The following ZNF224 variants were observed in gnomAD, a reference collection of about 807,000 sequenced individuals.
ZNF224 encodes zinc finger protein 224, also known as bone marrow zinc finger 2.
In ZNF224, 8 loss-of-function variants were observed where a neutral mutation model predicts 10.5. The observed-to-expected ratio is 0.76, with a 90% CI of 0.45 to 1.37. ZNF224 has a LOEUF of 1.37. Among genes scored for constraint, ZNF224 ranks in the 40% most tolerant of loss-of-function variants. ZNF224 has a pLI of 0.00. For synonymous variants in ZNF224, 282 were observed against 287.8 expected, an observed-to-expected ratio of 0.98 and a Z score of 0.20; for missense variants, 754 against 854.0, an observed-to-expected ratio of 0.88 and a Z score of 1.46.
In ZNF224 at chr19:44,108,138, G is replaced by C; in HGVS notation, c.1978G>C (p.Gly660Arg). The C allele has an allele frequency of 6.2e-7, 1 of 1,614,214 alleles. No homozygotes were observed. The highest frequency in any genetic ancestry group is 8.5e-7 in the Non-Finnish European group (1 of 1,180,046). Reference protein sequence around the residue: ...KPYKCEDCGKGYNRRLNLDMH... With the variant: ...KPYKCEDCGKRYNRRLNLDMH... ...ATACAAATGTGAGGACTGTGGGAAGGGCTACAACAGGCGCTTGAATCTTGA... is the reference window on the plus strand; with the variant it reads ...ATACAAATGTGAGGACTGTGGGAAGCGCTACAACAGGCGCTTGAATCTTGA... The change falls in exon 6 of 6, where the codon GGC becomes CGC. Residue 660 changes from glycine to arginine, a missense_variant. Physicochemically the swap from Gly to Arg is moderately radical, Grantham distance 125 (BLOSUM62 -2). Coordinates refer to ENST00000693561, the MANE Select transcript of ZNF224 (RefSeq NM_001321645.3).
chr19:44,097,807 C>G lies in ZNF224; in HGVS notation c.-67C>G. ...TCTGCCTTTCCTGGCACTTTGCAGGCACAATTCTGCTTTCCCAGGAACTGC... is the reference window on the plus strand; with the variant it reads ...TCTGCCTTTCCTGGCACTTTGCAGGGACAATTCTGCTTTCCCAGGAACTGC... On this transcript the variant is annotated splice_region_variant and 5_prime_UTR_variant, in exon 3 of 6. Coordinates refer to ENST00000693561, the MANE Select transcript of ZNF224 (RefSeq NM_001321645.3). The G allele has an allele frequency of 6.3e-7, 1 of 1,585,222 alleles. No individual in the cohort carries two copies. The highest frequency in any genetic ancestry group is 2.3e-5 in the East Asian group (1 of 44,380).
chr19:44,106,152 C>T (rs7250171), intron 5 of ZNF224: 435,332 of 516,682 alleles, frequency 0.84, 184,672 homozygotes, highest in Non-Finnish European at 0.88. Flanking sequence ...AGCGTTTCTT[C>T]TCACCACACC....
chr19:44,100,530 T>G (rs1967525616), intron 3 of ZNF224, among the ~76,000 whole-genome samples: 2 of 152,144 alleles, frequency 1.3e-5, no homozygotes, highest in Non-Finnish European at 2.9e-5. Context: ...GATGCCACAT[T>G]TAGAGTCCTA....
chr19:44,100,332 A>C (rs1006497860), intron 3 of ZNF224, among the ~76,000 whole-genome samples: 7 of 152,214 alleles, frequency 4.6e-5, no homozygotes, highest in African/African-American at 1.7e-4. Context: ...GACTCACTGC[A>C]TAACTACTCA....
At chr19:44,094,647 T>G (rs1001055022) in intron 1 of ZNF224, 117 bp downstream of exon 1, 1 of 152,452 alleles carries the variant, frequency 6.6e-6, no homozygotes, top group African/African-American at 2.4e-5. Flanking sequence ...TCACCTGGTT[T>G]CAGGGTTTCC....
Position 44,106,571 on chromosome 19 carries a change from A to G in ZNF224, c.411A>G (p.Gly137=). The part of the protein sequence containing the change: ...EGDFPCQTEA[G]LSVIHTRQKS... ...ATTTCCCCTGCCAGACTGAGGCAGG[A>G]CTATCTGTAATTCACACAAGACAGA... Residue 137 remains glycine, a synonymous_variant, in exon 6 of 6, where the codon GGA becomes GGG. Transcript: ENST00000693561. 6.2e-7 allele frequency: 1 copy of G among 1,613,566 alleles called. No homozygotes were observed.
intron 4 of ZNF224, 73 bp downstream of exon 4, chr19:44,101,000 C>A (rs1967538963): frequency 1.1e-5 from 18 of 1,608,440 alleles, no homozygotes; most frequent in Middle Eastern, 1.7e-4. Context: ...TACAAAGTTT[C>A]AAGTCTTAAT....
At position 44,109,391 on chromosome 19, in the gene ZNF224, A is replaced by C. The variant is rs1967781718; in HGVS notation, c.*1107A>C. 6.6e-6 allele frequency: 1 copy of C among 152,094 alleles called. No individual in the cohort carries two copies. The highest frequency in any genetic ancestry group is 1.9e-4 in the East Asian group (1 of 5,202). The allele number at this position is 152,094 out of a possible 1,614,324, so 9.4% of individuals were successfully genotyped here. A position where few individuals can be genotyped will look rare whatever the true frequency, so the allele number is the denominator to read the frequency against. ...ACAGCTTTTGTCAACCTTCTTATCCAATATTCTTCCACCAACGCTATGAAA... is the reference window on the plus strand; with the variant it reads ...ACAGCTTTTGTCAACCTTCTTATCCCATATTCTTCCACCAACGCTATGAAA... On this transcript the variant is annotated 3_prime_UTR_variant, in exon 6 of 6. Coordinates refer to ENST00000693561, the MANE Select transcript of ZNF224 (RefSeq NM_001321645.3).
chr19:44,097,508 CTTTT>C (rs1292908423), intron 2 of ZNF224, among the ~76,000 whole-genome samples: 2 of 152,264 alleles, frequency 1.3e-5, no homozygotes, highest in South Asian at 2.1e-4. Flanking sequence ...AATATGTGGT[CTTTT>C]TTAACTGGCT....
At chr19:44,097,473 A>C (rs1967461741) in intron 2 of ZNF224, among the ~76,000 whole-genome samples, 1 of 152,202 alleles carries the variant, frequency 6.6e-6, no homozygotes. Context: ...TCCTACCCAG[A>C]CATTTTATAG....
rs1568532932 is a variant in ZNF224 at position 44,107,728 on chromosome 19, G to C, written c.1568G>C (p.Ser523Thr). 14 of 1,613,574 alleles carry C rather than the reference G, an allele frequency of 8.7e-6. No individual in the cohort carries two copies. The highest frequency in any genetic ancestry group is 1.2e-5 in the Non-Finnish European group (14 of 1,179,942). ...KCEKCGKGYNSKFNLDMHQKV... is the reference protein window; with the variant it reads ...KCEKCGKGYNTKFNLDMHQKV... ...GAGAAGTGTGGAAAGGGCTACAATA[G>C]TAAGTTTAATCTTGATATGCACCAG... Residue 523 changes from serine to threonine, a missense_variant, in exon 6 of 6, where the codon AGT becomes ACT. Physicochemically the swap from Ser to Thr is moderately conservative, Grantham distance 58. Transcript: ENST00000693561.
Position 44,108,346 on chromosome 19 carries a change from TCA to T in ZNF224, c.*65_*66del, listed in dbSNP as rs2084751436. ...CATGAATGCAGTCTCATCTGAAAGTTCACAAAGGAGAGACACATTAAAATATG... is the reference window on the plus strand; with the variant it reads ...CATGAATGCAGTCTCATCTGAAAGTTCAAAGGAGAGACACATTAAAATATG... On this transcript the variant is annotated 3_prime_UTR_variant, in exon 6 of 6. Transcript: ENST00000693561. 1 of 1,500,610 alleles carries T rather than the reference TCA, an allele frequency of 6.7e-7. No individual in the cohort carries two copies. The highest frequency in any genetic ancestry group is 8.9e-7 in the Non-Finnish European group (1 of 1,118,258). 93.0% of individuals were successfully genotyped at this position (1,500,610 alleles called of 1,614,324 possible). A position where few individuals can be genotyped will look rare whatever the true frequency, so the allele number is the denominator to read the frequency against.
At chr19:44,102,787 C>A (rs1047660290) in intron 5 of ZNF224, among the ~76,000 whole-genome samples, 3 of 152,170 alleles carry the variant, frequency 2.0e-5, no homozygotes, top group African/African-American at 7.2e-5. Context: ...ATTCTGATGT[C>A]TACTAGTGAG....
At position 44,097,241 on chromosome 19, in the gene ZNF224, C is replaced by T. The variant is rs921634556; in HGVS notation, c.-68-565C>T. 5.3e-5 allele frequency among the ~76,000 whole-genome samples: 8 copies of T among 152,268 alleles called. No individual in the cohort carries two copies. In the East Asian group the frequency reaches 5.8e-4, roughly 11 times the overall value. On this transcript the variant is annotated intron_variant, in intron 2 of 5. Coordinates refer to ENST00000693561, the MANE Select transcript of ZNF224 (RefSeq NM_001321645.3). Reference sequence around the variant, plus strand: ...TAGAATTGACTCTTAAGTTAGATAACGTGTACATTAACAATTATTTTTTCC... The same window carrying T: ...TAGAATTGACTCTTAAGTTAGATAATGTGTACATTAACAATTATTTTTTCC...
chr19:44,107,191 A>T lies in ZNF224; in HGVS notation c.1031A>T (p.Tyr344Phe). Residue 344 changes from tyrosine to phenylalanine, a missense_variant, in exon 6 of 6, where the codon TAC becomes TTC. Tyr to Phe is a conservative substitution (Grantham distance 22, BLOSUM62 3). Coordinates refer to ENST00000693561, the MANE Select transcript of ZNF224 (RefSeq NM_001321645.3). The part of the protein sequence containing the change: ...HRMIHTGEKP[Y>F]KCEECGKGFI... ...ATGATCCACACAGGAGAGAAACCAT[A>T]CAAATGTGAGGAGTGTGGAAAAGGC... 6.2e-7 allele frequency: 1 copy of T among 1,606,252 alleles called. No homozygotes were observed. The highest frequency in any genetic ancestry group is 8.5e-7 in the Non-Finnish European group (1 of 1,175,976).
At chr19:44,097,074 CT>C in intron 2 of ZNF224, 1 of 242,096 alleles carries the variant, frequency 4.1e-6, no homozygotes. Context: ...TTTCAGATTT[CT>C]CCACTATAAA....
At position 44,106,833 on chromosome 19, in the gene ZNF224, GTCCACAC is replaced by G; in HGVS notation, c.675_681del (p.His226GlufsTer109). 6.2e-7 allele frequency: 1 copy of G among 1,613,770 alleles called. No homozygotes were observed. Among genetic ancestry groups the G allele is most frequent in the Non-Finnish European group, 8.5e-7 (1 of 1,179,760 alleles). On this transcript the variant is annotated frameshift_variant, in exon 6 of 6. Transcript: ENST00000693561. LOFTEE classifies it low-confidence loss of function (END_TRUNC). ...TTCACATCTGCAAACTCATCAGAGA[GTCCACAC>G]TGGAGAGAAACCGTTCAAATGTGTG...
In ZNF224 at chr19:44,101,226, G is replaced by A. The variant is rs372419676; in HGVS notation, c.235+1G>A. 38 of 1,613,592 alleles carry A rather than the reference G, an allele frequency of 2.4e-5. No individual in the cohort carries two copies. Among genetic ancestry groups the A allele is most frequent in the African/African-American group, 6.7e-5 (5 of 74,914 alleles). ...GCAATCCAAAGGGAAGGGAATTCAG[G>A]TAAGAATCAAGCAACTGTGAATCCC... On this transcript the variant is annotated splice_donor_variant, in intron 5 of 5. Transcript: ENST00000693561. LOFTEE classifies it high-confidence loss of function.
chr19:44,101,596 C>G (rs539937280), intron 5 of ZNF224, among the ~76,000 whole-genome samples: 1 of 152,330 alleles, frequency 6.6e-6, no homozygotes, highest in South Asian at 2.1e-4. Context: ...TCTTTACCAG[C>G]CACTTTATTC....
Sources: allele counts gnomAD v4.1 joint callset (sites outside exome capture counted in the v4.1 genomes callset), GRCh38; gene constraint gnomAD v4.1.1; transcripts MANE v1.5; gene names NCBI Gene and HGNC (gene_info 2026-07-23, HGNC 2026-07-21).